The following POLR3E variants were observed in gnomAD, a reference collection of about 807,000 sequenced individuals.
The protein encoded by POLR3E is DNA-directed RNA polymerase III subunit RPC5.
In POLR3E, 41 loss-of-function variants were observed where a neutral mutation model predicts 96.6. The observed-to-expected ratio is 0.42, with a 90% CI of 0.33 to 0.55. POLR3E has a LOEUF of 0.55. POLR3E is among the 20% of genes least tolerant of loss of function. The pLI is 0.06. For synonymous variants in POLR3E, 396 were observed against 383.6 expected, an observed-to-expected ratio of 1.03 and a Z score of -0.38; for missense variants, 849 against 952.1, an observed-to-expected ratio of 0.89 and a Z score of 1.43.
intron 3 of POLR3E, 123 bp downstream of exon 3, chr16:22,305,329 T>TG (rs2048112763): frequency 1.0e-5 from 8 of 786,700 alleles, no homozygotes; most frequent in Admixed American, 3.5e-5. Context: ...GAGAGTGTCA[T>TG]GGGGTCTCTT....
chr16:22,298,726 A>G (rs778205004), intron 1 of POLR3E, among the ~76,000 whole-genome samples: 1 of 152,224 alleles, frequency 6.6e-6, no homozygotes, highest in Non-Finnish European at 1.5e-5. Context: ...TGAGTTGCTT[A>G]TATCTGAACC....
At chr16:22,314,190 G>C (rs2048308995) in intron 8 of POLR3E, 62 bp downstream of exon 8, 1 of 1,318,074 alleles carries the variant, frequency 7.6e-7, no homozygotes, top group Non-Finnish European at 1.1e-6. Flanking sequence ...CAGAGACCAA[G>C]GGGTAGCGGG....
Position 22,332,067 on chromosome 16 carries a change from A to T in POLR3E, c.1952A>T (p.Gln651Leu). Residue 651 changes from glutamine (Q) to leucine (L), a missense_variant, in exon 20 of 21, where the codon CAG (glutamine) becomes CTG (leucine). Gln to Leu is a moderately radical substitution (Grantham distance 113). Coordinates refer to ENST00000299853, the MANE Select transcript of POLR3E (RefSeq NM_018119.4). ...ESGDMSDQHR[Q>L]VLLEIFSKNY... ...GTGTTTTTGCTACTAAAGCATCGAC[A>T]GGTTTTGCTTGAAATTTTTTCCAAA... 6.2e-7 allele frequency: 1 copy of T among 1,613,722 alleles called. No homozygotes were observed. The highest frequency in any genetic ancestry group is 8.5e-7 in the Non-Finnish European group (1 of 1,179,798).
chr16:22,322,959 C>A lies in POLR3E; in HGVS notation c.1068+28C>A. 2 of 1,507,186 alleles carry A rather than the reference C, an allele frequency of 1.3e-6. No individual in the cohort carries two copies. Among genetic ancestry groups the A allele is most frequent in the Non-Finnish European group, 1.8e-6 (2 of 1,088,778 alleles). The allele number at this position is 1,507,186 out of a possible 1,614,324, so 93.4% of individuals were successfully genotyped here. On this transcript the variant is annotated intron_variant, in intron 14 of 20. Coordinates refer to ENST00000299853, the MANE Select transcript of POLR3E (RefSeq NM_018119.4). This position sits in a 1 kb window ranked among gnomAD's most constrained non-coding sequence, Gnocchi z 5.2. Reference sequence around the variant, plus strand: ...AAGTACCTTGGGTTCTCTGGACTCACGGTGGGGGCGTGGGAAGAGGGGGGC... The same window carrying A: ...AAGTACCTTGGGTTCTCTGGACTCAAGGTGGGGGCGTGGGAAGAGGGGGGC...
intron 1 of POLR3E, among the ~76,000 whole-genome samples, chr16:22,301,877 G>A (rs902527126): frequency 3.3e-5 from 5 of 149,926 alleles, no homozygotes; most frequent in East Asian, 3.9e-4. Flanking sequence ...TGAGCCGATC[G>A]TACCACCGCA....
chr16:22,316,489 G>T, intron 9 of POLR3E, 112 bp from the exon 10 acceptor site: 1 of 756,586 alleles, frequency 1.3e-6, no homozygotes, highest in Non-Finnish European at 2.3e-6. Flanking sequence ...TCAGGAGGTT[G>T]GATGTGGTCC....
chr16:22,325,416 C>T (rs2048559656), intron 17 of POLR3E, 150 bp downstream of exon 17: 1 of 715,278 alleles, frequency 1.4e-6, no homozygotes, highest in South Asian at 1.7e-5. Context: ...CTGCCACCCA[C>T]AGACCGCAGC....
intron 13 of POLR3E, among the ~76,000 whole-genome samples, chr16:22,320,433 TG>T (rs1363745947): frequency 1.3e-5 from 2 of 152,162 alleles, no homozygotes; most frequent in Non-Finnish European, 2.9e-5. Flanking sequence ...GGCTAATTTT[TG>T]TATTTTTAGA....
rs903991471 is a variant in POLR3E, at chr16:22,334,479, G to A, written c.*779G>A. On this transcript the variant is annotated 3_prime_UTR_variant, in exon 21 of 21. Transcript: ENST00000299853. ...TATCTTCAAATGGTTACAGGAAGGC[G>A]ATCTTGTTGGGCTCAGCGTTACGTG... 6.6e-6 allele frequency: 1 copy of A among 152,184 alleles called. No individual in the cohort carries two copies. Among genetic ancestry groups the A allele is most frequent in the African/African-American group, 2.4e-5 (1 of 41,442 alleles). 9.4% of individuals were successfully genotyped at this position (152,184 alleles called of 1,614,324 possible). A position where few individuals can be genotyped will look rare whatever the true frequency, so the allele number is the denominator to read the frequency against.
intron 1 of POLR3E, among the ~76,000 whole-genome samples, chr16:22,301,510 A>G (rs1435450928): frequency 2.0e-5 from 3 of 152,112 alleles, no homozygotes; most frequent in African/African-American, 7.2e-5. Flanking sequence ...GAACCTAAGA[A>G]GCAGAGGTTG....
chr16:22,331,864 T>C, intron 19 of POLR3E, 196 bp from the exon 20 acceptor site: 1 of 531,366 alleles, frequency 1.9e-6, no homozygotes, highest in Non-Finnish European at 3.4e-6. Context: ...GCCTTTACTT[T>C]TGTGTTTTTA....
chr16:22,300,383 G>A (rs1490907909), intron 1 of POLR3E, among the ~76,000 whole-genome samples: 2 of 152,204 alleles, frequency 1.3e-5, no homozygotes, highest in Non-Finnish European at 2.9e-5. Context: ...GACACTCTTT[G>A]TATCAACCCA....
chr16:22,314,013 G>T, intron 7 of POLR3E, 66 bp from the exon 8 acceptor site: 1 of 1,400,710 alleles, frequency 7.1e-7, no homozygotes, highest in Middle Eastern at 1.8e-4. Context: ...TCCCTGGCGG[G>T]TGGGGTTGAG....
chr16:22,330,021 T>TA (rs2048702203), intron 19 of POLR3E, among the ~76,000 whole-genome samples: 1 of 151,880 alleles, frequency 6.6e-6, no homozygotes, highest in Non-Finnish European at 1.5e-5. Context: ...AGCTCTCAAC[T>TA]ATTTTAGGAG....
chr16:22,318,762 C>T lies in POLR3E; in HGVS notation c.866-64C>T, dbSNP rs533297091. On this transcript the variant is annotated intron_variant, in intron 12 of 20. Coordinates refer to ENST00000299853, the MANE Select transcript of POLR3E (RefSeq NM_018119.4). The surrounding 1 kb of genome is among the most constrained non-coding windows in gnomAD (Gnocchi z 5.0). ...ATGAACTTGAAGCTATGCGGACTCT[C>T]GGTGGAGGGGAGGGAAGGGCCCGGC... The T allele has an allele frequency of 6.4e-6, 10 of 1,560,592 alleles. No individual in the cohort carries two copies. Among genetic ancestry groups the T allele is most frequent in the Non-Finnish European group, 7.0e-6 (8 of 1,145,804 alleles).
chr16:22,308,873 G>A, intron 4 of POLR3E, 52 bp from the exon 5 acceptor site: 1 of 1,263,942 alleles, frequency 7.9e-7, no homozygotes, highest in Non-Finnish European at 1.2e-6. Flanking sequence ...TGTCCCTTGA[G>A]GAGCCATGCC....
At chr16:22,328,420 C>G (rs2048656938) in intron 18 of POLR3E, 90 bp from the exon 19 acceptor site, 7 of 1,092,338 alleles carry the variant, frequency 6.4e-6, no homozygotes, top group African/African-American at 1.5e-5. Flanking sequence ...GTTCCTGCAT[C>G]TGGGCTGGGG....
chr16:22,308,300 C>T, intron 4 of POLR3E, 75 bp downstream of exon 4: 1 of 1,141,490 alleles, frequency 8.8e-7, no homozygotes, highest in East Asian at 2.3e-5. Context: ...AGGCGAGAAG[C>T]TCAGAGAAGG....
chr16:22,320,908 G>A (rs535427636), intron 13 of POLR3E, among the ~76,000 whole-genome samples: 1 of 152,312 alleles, frequency 6.6e-6, no homozygotes, highest in African/African-American at 2.4e-5. Context: ...TTCCTTTGAA[G>A]GCAGCCTGCC....
Sources: allele counts gnomAD v4.1 joint callset (sites outside exome capture counted in the v4.1 genomes callset), GRCh38; gene constraint gnomAD v4.1.1; non-coding constraint Gnocchi (gnomAD v3.1); transcripts MANE v1.5; gene names NCBI Gene and HGNC (gene_info 2026-07-23, HGNC 2026-07-21).